The following ANKS1B variants were observed in gnomAD, a reference collection of about 807,000 sequenced individuals.
ANKS1B encodes the protein ankyrin repeat and sterile alpha motif domain-containing protein 1B.
A neutral mutation model predicts 148.3 loss-of-function variants in ANKS1B; 36 were observed. The observed-to-expected ratio is 0.24, with a 90% CI of 0.19 to 0.32. The LOEUF is 0.32. Ranked by LOEUF, ANKS1B falls within the 10% of genes least tolerant of loss-of-function variation. The pLI is 1.00. For synonymous variants in ANKS1B, 542 were observed against 560.8 expected (o/e 0.97, Z 0.47); for missense variants, 1,157 against 1,542.6 (o/e 0.75, Z 4.19).
At chr12:99,947,191 G>A (rs1008722401) in intron 1 of ANKS1B, among the ~76,000 whole-genome samples, 2 of 150,118 alleles carry the variant, frequency 1.3e-5, no homozygotes, top group African/African-American at 4.9e-5. Flanking sequence ...TCTGATACTG[G>A]TCAGCAAGGT....
intron 17 of ANKS1B, among the ~76,000 whole-genome samples, chr12:99,029,772 G>T (rs1555637532): frequency 1.3e-5 from 2 of 152,220 alleles, no homozygotes; most frequent in Admixed American, 6.5e-5. Context: ...GCATGCTGGG[G>T]TCTCTATGGA....
At chr12:99,622,769 A>G (rs12300864) in intron 9 of ANKS1B, among the ~76,000 whole-genome samples, 66,762 of 151,586 alleles carry the variant, frequency 0.44, 15,160 homozygotes, top group Admixed American at 0.51. Flanking sequence ...CTTACCCACC[A>G]AAAAAGCCCT....
chr12:98,835,152 A>G (rs1420515620), intron 17 of ANKS1B, among the ~76,000 whole-genome samples: 1 of 151,720 alleles, frequency 6.6e-6, no homozygotes, highest in Non-Finnish European at 1.5e-5. Flanking sequence ...TAAATAACAC[A>G]TAACTGTGGT....
intron 12 of ANKS1B, among the ~76,000 whole-genome samples, chr12:99,332,450 G>A (rs149576889): frequency 2.2e-4 from 33 of 152,038 alleles, no homozygotes; most frequent in Admixed American, 1.4e-3. Flanking sequence ...ACTCCCTTCC[G>A]TTCTCTGCAT....
At chr12:99,809,722 A>G (rs1260263533) in intron 3 of ANKS1B, among the ~76,000 whole-genome samples, 1 of 152,112 alleles carries the variant, frequency 6.6e-6, no homozygotes, top group African/African-American at 2.4e-5. Flanking sequence ...GTAAACTTTA[A>G]ATATTAAAAT....
chr12:99,894,492 G>C, intron 1 of ANKS1B, among the ~76,000 whole-genome samples: 1 of 132,062 alleles, frequency 7.6e-6, no homozygotes, highest in African/African-American at 2.9e-5. Context: ...CTGAGCAACA[G>C]AGCGGGACCC....
chr12:99,156,813 C>T (rs956891388), intron 14 of ANKS1B, among the ~76,000 whole-genome samples: 3 of 152,132 alleles, frequency 2.0e-5, no homozygotes, highest in African/African-American at 4.8e-5. Context: ...TTTTTGAAAG[C>T]AGGCAATATG....
At chr12:99,704,463 G>A (rs2055388090) in intron 8 of ANKS1B, among the ~76,000 whole-genome samples, 1 of 152,084 alleles carries the variant, frequency 6.6e-6, no homozygotes, top group Admixed American at 6.6e-5. Flanking sequence ...TCTAGAAATA[G>A]AAATATATAC....
intron 12 of ANKS1B, among the ~76,000 whole-genome samples, chr12:99,347,639 G>A (rs7955333): frequency 0.31 from 47,431 of 151,812 alleles, 8,274 homozygotes; most frequent in East Asian, 0.49. Flanking sequence ...AGTGACCACA[G>A]AGGATAAAAA....
chr12:99,789,384 A>C (rs1351091717), intron 4 of ANKS1B, among the ~76,000 whole-genome samples: 1 of 152,196 alleles, frequency 6.6e-6, no homozygotes, highest in Non-Finnish European at 1.5e-5. Context: ...TGAAGACTAC[A>C]GTCAATATCT....
chr12:99,803,686 C>T (rs570635621), intron 4 of ANKS1B, among the ~76,000 whole-genome samples: 9 of 152,118 alleles, frequency 5.9e-5, no homozygotes, highest in Non-Finnish European at 1.2e-4. Flanking sequence ...AAGCATTTAC[C>T]CCATCTAAAA....
chr12:98,768,663 G>C (rs1449214412), intron 25 of ANKS1B, among the ~76,000 whole-genome samples: 2 of 151,154 alleles, frequency 1.3e-5, no homozygotes, highest in Admixed American at 1.3e-4. Flanking sequence ...GAACCCGGGA[G>C]GCGGAGCTTG....
Position 98,829,005 on chromosome 12 carries a change from T to C in ANKS1B, c.3066+169A>G, listed in dbSNP as rs1456149599. Among the ~76,000 whole-genome samples, 5 of 152,216 alleles carry C rather than the reference T, an allele frequency of 3.3e-5. No individual in the cohort carries two copies. The highest frequency in any genetic ancestry group is 7.3e-5 in the Non-Finnish European group (5 of 68,034). ...TGTGTACACATTCCATTCCCAGACA[T>C]TTCTGTCTCGGTCTAGTTCAGATGA... On this transcript the variant is annotated intron_variant, in intron 19 of 26. Transcript: ENST00000683438. This position sits in a 1 kb window ranked among gnomAD's most constrained non-coding sequence, Gnocchi z 5.2.
At chr12:99,913,726 T>C (rs1336559749) in intron 1 of ANKS1B, among the ~76,000 whole-genome samples, 1 of 151,942 alleles carries the variant, frequency 6.6e-6, no homozygotes, top group Non-Finnish European at 1.5e-5. Context: ...ATATATATAT[T>C]TGGGGGAGTT....
At chr12:99,382,808 T>C (rs1223570654) in intron 12 of ANKS1B, among the ~76,000 whole-genome samples, 1 of 152,026 alleles carries the variant, frequency 6.6e-6, no homozygotes, top group Non-Finnish European at 1.5e-5. Context: ...TTAAATGCTT[T>C]TATTGTGCCC....
intron 12 of ANKS1B, among the ~76,000 whole-genome samples, chr12:99,347,518 A>G (rs2090867177): frequency 6.6e-6 from 1 of 152,044 alleles, no homozygotes; most frequent in African/African-American, 2.4e-5. Flanking sequence ...GCCCCAACAT[A>G]CACACAGAGC....
At chr12:99,458,433 T>C (rs913160457) in intron 10 of ANKS1B, among the ~76,000 whole-genome samples, 5 of 141,520 alleles carry the variant, frequency 3.5e-5, no homozygotes, top group Admixed American at 6.9e-5. Flanking sequence ...CAGAACTAAA[T>C]GAAATTGAAA....
At chr12:98,743,946 G>T, downstream of ANKS1B, 1 of 941,046 alleles carries the variant, frequency 1.1e-6, no homozygotes, top group Non-Finnish European at 1.3e-6. Flanking sequence ...AGTGGGGAAG[G>T]TGCTCACAGA....
At chr12:99,731,635 C>T (rs2059170088) in intron 8 of ANKS1B, among the ~76,000 whole-genome samples, 1 of 152,044 alleles carries the variant, frequency 6.6e-6, no homozygotes, top group Non-Finnish European at 1.5e-5. Flanking sequence ...GAAACTCAAC[C>T]TTTCCTTATA....
Sources: allele counts gnomAD v4.1 joint callset (sites outside exome capture counted in the v4.1 genomes callset), GRCh38; gene constraint gnomAD v4.1.1; non-coding constraint Gnocchi (gnomAD v3.1); transcripts MANE v1.5; gene names NCBI Gene and HGNC (gene_info 2026-07-23, HGNC 2026-07-21).